The following CAMK4 variants were observed in gnomAD, a reference collection of about 807,000 sequenced individuals.
The protein encoded by CAMK4 is calcium/calmodulin-dependent protein kinase type IV.
In CAMK4, 22 loss-of-function variants were observed where a neutral mutation model predicts 44.9. The observed-to-expected ratio is 0.49, with a 90% confidence interval of 0.35 to 0.70. The LOEUF (loss-of-function observed/expected upper bound fraction) is 0.70. CAMK4 is among the 30% of genes least tolerant of loss of function. CAMK4 has a pLI of 0.01. For synonymous variants in CAMK4, 218 were observed against 215.4 expected (o/e 1.01, Z -0.11); for missense variants, 498 against 586.8 (o/e 0.85, Z 1.56).
intron 2 of CAMK4, among the ~76,000 whole-genome samples, chr5:111,374,139 G>GCAT (rs1278623340): frequency 6.6e-6 from 1 of 152,090 alleles, no homozygotes; most frequent in Non-Finnish European, 1.5e-5. Context: ...AGGCAAACCA[G>GCAT]CATAACTGAA....
chr5:111,241,125 CTT>C (rs34428589), intron 1 of CAMK4, among the ~76,000 whole-genome samples: 14 of 142,676 alleles, frequency 9.8e-5, no homozygotes, highest in Middle Eastern at 3.6e-3. Flanking sequence ...ATAATTATGA[CTT>C]TTTTTTTTTT....
At chr5:111,412,742 T>G (rs1324444609) in intron 5 of CAMK4, among the ~76,000 whole-genome samples, 1 of 152,190 alleles carries the variant, frequency 6.6e-6, no homozygotes, top group Non-Finnish European at 1.5e-5. Context: ...TGGTGGAAGC[T>G]GCTTTCCATA....
At chr5:111,283,135 C>T (rs1463330091) in intron 1 of CAMK4, 4 of 152,070 alleles carry the variant, frequency 2.6e-5, no homozygotes, top group East Asian at 3.8e-4. Flanking sequence ...AGTCGAGGAA[C>T]GATTGTAAAC....
At chr5:111,258,119 T>C (rs1346365927) in intron 1 of CAMK4, among the ~76,000 whole-genome samples, 2 of 152,228 alleles carry the variant, frequency 1.3e-5, no homozygotes, top group Non-Finnish European at 2.9e-5. Context: ...TGTTTACCTA[T>C]GTAACAAACC....
At chr5:111,476,915 G>A (rs531847317) in intron 8 of CAMK4, among the ~76,000 whole-genome samples, 1 of 152,192 alleles carries the variant, frequency 6.6e-6, no homozygotes, top group East Asian at 1.9e-4. Context: ...GAGAGAAAAG[G>A]CATTTGAGCA....
Position 111,490,943 on chromosome 5 carries a change from A to T in CAMK4, c.*6477A>T, listed in dbSNP as rs1182800630. On this transcript the variant is annotated 3_prime_UTR_variant, in exon 11 of 11. Transcript: ENST00000282356. ...TGAGTTTAGTGAGTGGGTACAGCTG[A>T]GTTGGGGTTTAGGTGATTTCTTATG... The T allele has an allele frequency of 1.3e-5, 2 of 152,194 alleles. No homozygotes were observed. Among genetic ancestry groups the T allele is most frequent in the African/African-American group, 4.8e-5 (2 of 41,442 alleles). The allele number at this position is 152,194 out of a possible 1,614,324, so 9.4% of individuals were successfully genotyped here. A position where few individuals can be genotyped will look rare whatever the true frequency, so the allele number is the denominator to read the frequency against.
At chr5:111,267,558 G>A (rs1417915733) in intron 1 of CAMK4, among the ~76,000 whole-genome samples, 1 of 151,952 alleles carries the variant, frequency 6.6e-6, no homozygotes, top group Non-Finnish European at 1.5e-5. Context: ...CAAAAAATTA[G>A]CGGGGCGCAG....
At chr5:111,293,897 C>T (rs1747381163) in intron 1 of CAMK4, among the ~76,000 whole-genome samples, 1 of 152,062 alleles carries the variant, frequency 6.6e-6, no homozygotes, top group Non-Finnish European at 1.5e-5. Flanking sequence ...CAGGTGCCCG[C>T]CACCATGCCC....
chr5:111,372,223 A>T (rs1011841784), intron 2 of CAMK4, among the ~76,000 whole-genome samples: 1 of 152,180 alleles, frequency 6.6e-6, no homozygotes, highest in Non-Finnish European at 1.5e-5. Flanking sequence ...GAAGGGAACA[A>T]ATACTAAAAG....
intron 7 of CAMK4, among the ~76,000 whole-genome samples, chr5:111,468,708 T>C (rs1265154372): frequency 9.9e-5 from 15 of 152,108 alleles, no homozygotes; most frequent in Admixed American, 9.8e-4. Flanking sequence ...AGCTGGGTAC[T>C]GTGGCTCATG....
At chr5:111,300,919 C>G (rs957201255) in intron 1 of CAMK4, among the ~76,000 whole-genome samples, 1 of 152,100 alleles carries the variant, frequency 6.6e-6, no homozygotes, top group Non-Finnish European at 1.5e-5. Context: ...TGTTTGAAAA[C>G]ATCTCTCTGT....
chr5:111,291,398 C>T (rs1561389398), intron 1 of CAMK4, among the ~76,000 whole-genome samples: 1 of 152,190 alleles, frequency 6.6e-6, no homozygotes, highest in African/African-American at 2.4e-5. Flanking sequence ...TATAGACACA[C>T]TTCATTGCTT....
intron 5 of CAMK4, among the ~76,000 whole-genome samples, chr5:111,400,407 A>G (rs1752180372): frequency 6.6e-6 from 1 of 152,252 alleles, no homozygotes; most frequent in Admixed American, 6.5e-5. Flanking sequence ...CAGAGTAATC[A>G]GTGGTACATC....
intron 1 of CAMK4, among the ~76,000 whole-genome samples, chr5:111,285,563 G>A (rs1043937384): frequency 6.6e-6 from 1 of 152,170 alleles, no homozygotes; most frequent in African/African-American, 2.4e-5. Context: ...TGGCTGCAAT[G>A]GATGTAATTT....
intron 1 of CAMK4, among the ~76,000 whole-genome samples, chr5:111,257,218 T>C (rs1416316271): frequency 1.3e-5 from 2 of 152,148 alleles, no homozygotes; most frequent in Non-Finnish European, 2.9e-5. Context: ...ACAGACAACC[T>C]ACAGAATGGA....
At chr5:111,473,228 A>T in intron 7 of CAMK4, 83 bp from the exon 8 acceptor site, 1 of 927,738 alleles carries the variant, frequency 1.1e-6, no homozygotes, top group South Asian at 1.3e-5. Context: ...GTTTTGATGA[A>T]TTTATTTCTT....
Position 111,359,244 on chromosome 5 carries a change from C to CGCTTCTGCTCT in CAMK4, c.240+15142_240+15143insGCTTCTGCTCT, listed in dbSNP as rs377397848. On this transcript the variant is annotated intron_variant, in intron 2 of 10. Transcript: ENST00000282356. ...TTACCAGCATCTGTGATTTTTTTGA[C>CGCTTCTGCTCT]TAATAGTAACCATTGTGACTGGTGT... 4.8e-4 allele frequency among the ~76,000 whole-genome samples: 17 copies of CGCTTCTGCTCT among 35,614 alleles called. 5 individuals are homozygous for CGCTTCTGCTCT. The highest frequency in any genetic ancestry group is 7.8e-4 in the Non-Finnish European group (11 of 14,080). The allele number at this position is 35,614 out of a possible 152,430, so 23.4% of individuals were successfully genotyped here. A position where few individuals can be genotyped will look rare whatever the true frequency, so the allele number is the denominator to read the frequency against.
At chr5:111,280,897 T>C (rs941384002) in intron 1 of CAMK4, among the ~76,000 whole-genome samples, 1 of 152,250 alleles carries the variant, frequency 6.6e-6, no homozygotes, top group Non-Finnish European at 1.5e-5. Flanking sequence ...ATTGGTTGGA[T>C]GGTTGCTATG....
chr5:111,427,692 G>A (rs1753278195), intron 5 of CAMK4, among the ~76,000 whole-genome samples: 1 of 152,128 alleles, frequency 6.6e-6, no homozygotes, highest in Admixed American at 6.5e-5. Flanking sequence ...ACTGTGTCTT[G>A]TGGTTTGAGT....
Sources: allele counts gnomAD v4.1 joint callset (sites outside exome capture counted in the v4.1 genomes callset), GRCh38; gene constraint gnomAD v4.1.1; transcripts MANE v1.5; gene names NCBI Gene and HGNC (gene_info 2026-07-23, HGNC 2026-07-21).